The following SYNE1 variants were observed in gnomAD, a reference collection of about 807,000 sequenced individuals.
SYNE1 encodes spectrin repeat containing nuclear envelope protein 1.
Under a neutral mutation model 1,111.0 loss-of-function variants are expected in SYNE1, and 616 were observed. The ratio of observed to expected loss-of-function variants is 0.55; its 90% CI spans 0.52 to 0.59. The LOEUF (loss-of-function observed/expected upper bound fraction) is 0.59, where lower values mean the gene tolerates loss of function less well. Among genes scored for constraint, SYNE1 ranks in the 20% least tolerant of loss-of-function variants. SYNE1 has a pLI of 0.00. For synonymous variants in SYNE1, 3,855 were observed against 3,825.8 expected, an observed-to-expected ratio of 1.01 and a Z score of -0.28; for missense variants, 10,006 against 10,417.0, an observed-to-expected ratio of 0.96 and a Z score of 1.72.
chr6:152,339,001 T>C (rs187843101), intron 75 of SYNE1, among the ~76,000 whole-genome samples: 2 of 152,328 alleles, frequency 1.3e-5, no homozygotes, highest in Non-Finnish European at 1.5e-5. Context: ...AAGGTTCTAA[T>C]GGGCAGCGAA....
intron 2 of SYNE1, among the ~76,000 whole-genome samples, chr6:152,636,273 C>T (rs2099705807): frequency 6.6e-6 from 1 of 152,142 alleles, no homozygotes; most frequent in Non-Finnish European, 1.5e-5. Flanking sequence ...CGCCCTACCT[C>T]TCCCATCTGA....
Position 152,350,312 on chromosome 6 carries a change from C to A in SYNE1, c.11757G>T (p.Ala3919=). The A allele has an allele frequency of 6.2e-7, 1 of 1,614,120 alleles. No homozygotes were observed. Among genetic ancestry groups the A allele is most frequent in the Non-Finnish European group, 8.5e-7 (1 of 1,180,016 alleles). The change falls in exon 72 of 146, where the codon GCG becomes GCT. Residue 3919 remains alanine (A), a synonymous_variant. Coordinates refer to ENST00000367255, the MANE Select transcript of SYNE1 (RefSeq NM_182961.4). ...IGKEHVFSLE[A]KVKDHEDYNS... is the part of the protein sequence containing the mutation. ...TGTAGTCTTCATGGTCTTTGACTTT[C>A]GCCTCCAGACTGAAGACATGCTCCT...
intron 129 of SYNE1, among the ~76,000 whole-genome samples, chr6:152,177,275 G>C (rs905984019): frequency 2.6e-5 from 4 of 152,130 alleles, no homozygotes; most frequent in Non-Finnish European, 1.5e-5. Flanking sequence ...ATTTGCAAGA[G>C]ATAAGCACGA....
chr6:152,231,597 T>C (rs372179005), intron 113 of SYNE1, 30 bp from the exon 114 acceptor site: 34 of 1,606,396 alleles, frequency 2.1e-5, no homozygotes, highest in Middle Eastern at 1.6e-4. Context: ...AATAAGATTA[T>C]ACAATAAATG....
intron 3 of SYNE1, among the ~76,000 whole-genome samples, chr6:152,552,770 C>T (rs1048298521): frequency 2.0e-5 from 3 of 152,172 alleles, no homozygotes; most frequent in Non-Finnish European, 4.4e-5. Flanking sequence ...GTTAATCCTG[C>T]ACAGAGCACC....
intron 3 of SYNE1, among the ~76,000 whole-genome samples, chr6:152,577,722 A>G (rs1317415134): frequency 1.3e-5 from 2 of 152,120 alleles, no homozygotes; most frequent in Non-Finnish European, 2.9e-5. Context: ...GTGAAGGTCT[A>G]CATTCACTTA....
intron 21 of SYNE1, 111 bp downstream of exon 21, chr6:152,461,486 A>C: frequency 7.3e-7 from 1 of 1,372,558 alleles, no homozygotes; most frequent in East Asian, 2.3e-5. Flanking sequence ...ATTAGAAACA[A>C]AAGCATCGTT....
intron 104 of SYNE1, among the ~76,000 whole-genome samples, chr6:152,252,259 C>G (rs1229346259): frequency 6.6e-6 from 1 of 151,316 alleles, no homozygotes; most frequent in Non-Finnish European, 1.5e-5. Context: ...GCAACAAGAG[C>G]AAAACTCTGT....
intron 127 of SYNE1, among the ~76,000 whole-genome samples, chr6:152,200,070 C>T (rs1362953786): frequency 6.6e-6 from 1 of 151,292 alleles, no homozygotes; most frequent in South Asian, 2.1e-4. Flanking sequence ...CCGATTTCTA[C>T]CCCCCCAACT....
At chr6:152,466,283 C>T (rs1376409105) in intron 16 of SYNE1, among the ~76,000 whole-genome samples, 1 of 152,198 alleles carries the variant, frequency 6.6e-6, no homozygotes, top group Non-Finnish European at 1.5e-5. Context: ...TTGATTCTAA[C>T]CCAGTACAGG....
chr6:152,140,989 A>G (rs2058409628), intron 139 of SYNE1, among the ~76,000 whole-genome samples: 1 of 152,136 alleles, frequency 6.6e-6, no homozygotes, highest in African/African-American at 2.4e-5. Flanking sequence ...GAGCCGAGAT[A>G]GCGCCACTGC....
intron 131 of SYNE1, among the ~76,000 whole-genome samples, chr6:152,162,057 A>C (rs2062620168): frequency 6.6e-6 from 1 of 152,178 alleles, no homozygotes; most frequent in Non-Finnish European, 1.5e-5. Flanking sequence ...GAGAGTAATC[A>C]TCTGATCTTC....
At chr6:152,512,260 C>T (rs1051042300) in intron 6 of SYNE1, among the ~76,000 whole-genome samples, 23 of 152,230 alleles carry the variant, frequency 1.5e-4, no homozygotes, top group African/African-American at 5.5e-4. Context: ...GAAGTTCATT[C>T]ATCAGGTTCA....
intron 3 of SYNE1, among the ~76,000 whole-genome samples, chr6:152,606,978 CTTTTTTTTTT>C (rs71017544): frequency 1.6e-5 from 1 of 62,208 alleles, no homozygotes; most frequent in East Asian, 4.6e-4. Flanking sequence ...CCTCGGTTCT[CTTTTTTTTTT>C]TTTTTTTTTT....
chr6:152,492,051 C>T (rs972523572), intron 11 of SYNE1, among the ~76,000 whole-genome samples: 17 of 152,204 alleles, frequency 1.1e-4, no homozygotes, highest in Admixed American at 8.5e-4. Context: ...GTTAACCCTC[C>T]TTTTTCTTTA....
At chr6:152,173,584 A>G (rs1334380743) in intron 130 of SYNE1, among the ~76,000 whole-genome samples, 1 of 152,234 alleles carries the variant, frequency 6.6e-6, no homozygotes, top group African/African-American at 2.4e-5. Context: ...CGAAGCACCA[A>G]TAAACAAGGA....
chr6:152,196,831 G>A (rs2074248536), intron 127 of SYNE1, among the ~76,000 whole-genome samples: 1 of 152,074 alleles, frequency 6.6e-6, no homozygotes, highest in Non-Finnish European at 1.5e-5. Flanking sequence ...TCCAAGCCCA[G>A]TACTGCACTA....
chr6:152,268,083 G>T lies in SYNE1; in HGVS notation c.18788C>A (p.Ser6263Ter). 6.2e-7 allele frequency: 1 copy of T among 1,613,966 alleles called. No homozygotes were observed. Among genetic ancestry groups the T allele is most frequent in the East Asian group, 2.2e-5 (1 of 44,878 alleles). Residue 6263 changes from serine to a stop codon, truncating the protein, a stop_gained, in exon 100 of 146, where the codon TCG becomes TAG. Coordinates refer to ENST00000367255, the MANE Select transcript of SYNE1 (RefSeq NM_182961.4). LOFTEE classifies it high-confidence loss of function. ...AGCATCACCAGAGGTCTCTGCCGCC[G>T]AATGTTGAATTAGAATCTCCTCTCC... ...SRGEEILIQH[S>*]AAETSGDAGE...
At chr6:152,196,335 T>C (rs547414087) in intron 127 of SYNE1, among the ~76,000 whole-genome samples, 18 of 152,216 alleles carry the variant, frequency 1.2e-4, no homozygotes, top group African/African-American at 4.3e-4. Flanking sequence ...CTCTCTTTTT[T>C]GTAAGCAGAA....
Sources: allele counts gnomAD v4.1 joint callset (sites outside exome capture counted in the v4.1 genomes callset), GRCh38; gene constraint gnomAD v4.1.1; transcripts MANE v1.5; gene names NCBI Gene and HGNC (gene_info 2026-07-23, HGNC 2026-07-21).